IL9R: variants seen among roughly 807,000 people sequenced by gnomAD.
IL9R encodes the protein interleukin-9 receptor.
A neutral mutation model predicts 56.3 loss-of-function variants in IL9R; 54 were observed. The observed-to-expected ratio is 0.96, with a 90% CI of 0.77 to 1.20. The LOEUF (loss-of-function observed/expected upper bound fraction) is 1.20. IL9R is among the 50% of genes most tolerant of loss of function. The pLI, the probability that IL9R is intolerant of heterozygous loss-of-function variation, is 0.00. For missense variants in IL9R, 545 were observed against 629.8 expected (o/e 0.87, Z 1.44); for synonymous variants, 212 against 250.2 (o/e 0.85, Z 1.44).
intron 1 of IL9R, among the ~76,000 whole-genome samples, chrX:156,000,838 G>C (rs911327263): frequency 1.3e-5 from 2 of 152,144 alleles, no homozygotes; most frequent in Non-Finnish European, 2.9e-5. Context: ...CACTGCCCTC[G>C]GGAAGTTCAC....
intron 1 of IL9R, among the ~76,000 whole-genome samples, chrX:155,999,736 C>T (rs1334675268): frequency 6.6e-6 from 1 of 152,124 alleles, no homozygotes; most frequent in Non-Finnish European, 1.5e-5. Context: ...GACAGAAGAC[C>T]TTGCTGGACA....
chrX:156,007,207 G>C (rs1348692997), intron 7 of IL9R, among the ~76,000 whole-genome samples: 1 of 2,432 alleles, frequency 4.1e-4, no homozygotes, highest in African/African-American at 3.3e-3. Context: ...TGATGGCAAA[G>C]ACAGGGTTCC....
chrX:156,000,614 C>T (rs972907223), intron 1 of IL9R, among the ~76,000 whole-genome samples: 2 of 152,176 alleles, frequency 1.3e-5, no homozygotes, highest in African/African-American at 4.8e-5. Context: ...GCTCTCACAA[C>T]CGGCCTGTTA....
At chrX:156,002,540 AG>A (rs757639825) in intron 1 of IL9R, among the ~76,000 whole-genome samples, 3 of 152,190 alleles carry the variant, frequency 2.0e-5, no homozygotes, top group Admixed American at 2.0e-4. Flanking sequence ...ACTCCCCTGC[AG>A]GATGGGGCCT....
At chrX:155,997,814 C>A in intron 1 of IL9R, 27 bp downstream of exon 1, 1 of 1,604,520 alleles carries the variant, frequency 6.2e-7, no homozygotes. Context: ...GGCTTCCCAA[C>A]CTCTCAAGTC....
intron 1 of IL9R, among the ~76,000 whole-genome samples, chrX:156,000,838 G>A (rs911327263): frequency 2.6e-5 from 4 of 152,144 alleles, no homozygotes; most frequent in Admixed American, 6.5e-5. Flanking sequence ...CACTGCCCTC[G>A]GGAAGTTCAC....
intron 7 of IL9R, among the ~76,000 whole-genome samples, chrX:156,006,688 G>A (rs2067988621): frequency 2.6e-5 from 4 of 152,204 alleles, no homozygotes; most frequent in South Asian, 4.1e-4. Flanking sequence ...ACAAGACAGG[G>A]TGCAGGGGCC....
intron 5 of IL9R, 57 bp downstream of exon 5, chrX:156,004,622 G>T (rs1490963593): frequency 1.3e-6 from 2 of 1,549,814 alleles, no homozygotes; most frequent in East Asian, 2.2e-5. Context: ...GCAGTCCAGG[G>T]TAGACTCCCC....
At chrX:156,008,601 C>A (rs1354700247) in intron 8 of IL9R, among the ~76,000 whole-genome samples, 3 of 152,192 alleles carry the variant, frequency 2.0e-5, no homozygotes, top group Admixed American at 2.0e-4. Context: ...CGGGCACCAG[C>A]TGTTCCCTAG....
intron 1 of IL9R, among the ~76,000 whole-genome samples, chrX:155,998,720 G>A (rs983110485): frequency 6.6e-6 from 1 of 151,986 alleles, no homozygotes; most frequent in African/African-American, 2.4e-5. Context: ...TGCAGGTGGG[G>A]CGGGGGTTGG....
At position 156,003,574 on chromosome X, in the gene IL9R, G is replaced by A. The variant is rs773703450; in HGVS notation, c.254+14G>A. The stretch of plus-strand genomic sequence containing the variant: ...CCTCTTCACCAGGTGAGCATGGAGG[G>A]CCATGCCCACCTGGACAGGGATGAG... On this transcript the variant is annotated intron_variant, in intron 3 of 8. Transcript: ENST00000244174. The A allele has an allele frequency of 6.2e-7, 1 of 1,601,294 alleles. No individual in the cohort carries two copies. Among genetic ancestry groups the A allele is most frequent in the East Asian group, 2.2e-5 (1 of 44,824 alleles).
rs3093494 is a variant in IL9R, at chrX:156,003,450, G to T, written c.144G>T (p.Gly48=). Residue 48 remains glycine, a splice_region_variant and synonymous_variant, in exon 3 of 9, where the codon GGG becomes GGT. Transcript: ENST00000244174. ...LGVSVTGEGQ[G]PRSRTFTCLT... The stretch of plus-strand genomic sequence containing the variant: ...GCTCCTGATGGTCACTGTCTCCAGG[G>T]CCAAGGTCTAGAACCTTCACCTGCC... 13,579 of 1,609,420 alleles carry T rather than the reference G, an allele frequency of 8.4e-3. 1,070 individuals are homozygous for T. The African/African-American group carries it at 0.16, about 19-fold the overall frequency.
chrX:156,003,494 G>A lies in IL9R; in HGVS notation c.188G>A (p.Arg63Lys), dbSNP rs3093495. 229 of 1,612,308 alleles carry A rather than the reference G, an allele frequency of 1.4e-4. No homozygotes were observed. The African/African-American group carries it at 2.6e-3, about 18-fold the overall frequency. The stretch of plus-strand genomic sequence containing the variant: ...ACCTGCCTCACCAACAACATTCTCA[G>A]GATCGATTGCCACTGGTCTGCCCCA... ...TFTCLTNNIL[R>K]IDCHWSAPEL... Residue 63 changes from arginine to lysine, a missense_variant, in exon 3 of 9, where the codon AGG becomes AAG. Transcript: ENST00000244174.
At position 156,004,471 on chromosome X, in the gene IL9R, G is replaced by A. The variant is rs771184258; in HGVS notation, c.485G>A (p.Cys162Tyr). Residue 162 changes from cysteine (C) to tyrosine (Y), a missense_variant, in exon 5 of 9, where the codon TGC becomes TAC. Transcript: ENST00000244174. ...CAGAGCAACATCAGTTCTGGCCACT[G>A]CATCCTGACCTGGAGCATCAGTCCT... is the stretch of plus-strand genomic sequence containing the variant. Reference protein sequence around the residue: ...DLQSNISSGHCILTWSISPAL... With the variant: ...DLQSNISSGHYILTWSISPAL... 6.2e-7 allele frequency: 1 copy of A among 1,613,836 alleles called. No individual in the cohort carries two copies. Among genetic ancestry groups the A allele is most frequent in the Admixed American group, 1.7e-5 (1 of 60,014 alleles).
In IL9R at chrX:156,000,143, A is replaced by AT. The variant is rs1220909165; in HGVS notation, c.28+2356_28+2357insT. The stretch of plus-strand genomic sequence containing the variant: ...AGAGCGAGACTCCGTCTAAAAAAAA[A>AT]AAATATATATATATATACACACATA... On this transcript the variant is annotated intron_variant, in intron 1 of 8. Coordinates refer to ENST00000244174, the MANE Select transcript of IL9R (RefSeq NM_002186.3). Among the ~76,000 whole-genome samples the AT allele has an allele frequency of 6.3e-3, 823 of 129,834 alleles. 6 individuals carry two copies. Among genetic ancestry groups the AT allele is most frequent in the African/African-American group, 0.019 (588 of 30,760 alleles). The allele number at this position is 129,834 out of a possible 152,430, so 85.2% of individuals were successfully genotyped here.
intron 1 of IL9R, among the ~76,000 whole-genome samples, chrX:156,000,239 T>G (rs2067430203): frequency 6.6e-6 from 1 of 151,444 alleles, no homozygotes; most frequent in Non-Finnish European, 1.5e-5. Context: ...ACTTGGAGAG[T>G]GTGCTTGGAG....
At chrX:156,002,834 G>A (rs1424175786) in intron 1 of IL9R, 72 bp from the exon 2 acceptor site, 4 of 1,609,668 alleles carry the variant, frequency 2.5e-6, no homozygotes, top group Middle Eastern at 2.1e-4. Flanking sequence ...ACTCTGCTGG[G>A]GAGCAATTCA....
Position 156,009,840 on chromosome X carries a change from G to A in IL9R, c.997G>A (p.Gly333Ser), listed in dbSNP as rs768204373. Residue 333 changes from glycine to serine, a missense_variant, in exon 9 of 9, where the codon GGT (glycine) becomes AGT (serine). Gly to Ser is a moderately conservative substitution (Grantham distance 56). Around this residue, in one of 2 missense-constraint regions of IL9R, gnomAD observed 114 missense variants for 269.8 expected, o/e 0.42. Transcript: ENST00000244174. ...GACTTGGATGGGGGCCCACGGGGCC[G>A]GTGTGCTGTTGAGCCAGGACTGTGC... ...FQTWMGAHGAGVLLSQDCAGT... is the reference protein window; with the variant it reads ...FQTWMGAHGASVLLSQDCAGT... 34 of 1,471,032 alleles carry A rather than the reference G, an allele frequency of 2.3e-5. 2 individuals carry two copies. The highest frequency in any genetic ancestry group is 8.7e-5 in the East Asian group (3 of 34,312). The allele number at this position is 1,471,032 out of a possible 1,614,324, so 91.1% of individuals were successfully genotyped here. A position where few individuals can be genotyped will look rare whatever the true frequency, so the allele number is the denominator to read the frequency against.
chrX:156,000,131 G>A (rs3093473), intron 1 of IL9R, among the ~76,000 whole-genome samples: 62,018 of 147,620 alleles, frequency 0.42, 13,823 homozygotes, highest in East Asian at 0.62. Flanking sequence ...GCGAGACTCC[G>A]TCTAAAAAAA....
Sources: gnomAD v4.1 joint callset for allele counts (sites outside exome capture counted in the v4.1 genomes callset) on GRCh38, gnomAD v4.1.1 for gene constraint, gnomAD v4.1.1 regional missense constraint, MANE v1.5 for transcripts, NCBI Gene and HGNC (gene_info 2026-07-23, HGNC 2026-07-21) for gene names.